NCL: variants seen among roughly 807,000 people sequenced by gnomAD.
NCL encodes nucleolin multifunctional protein.
In NCL, 4 loss-of-function variants were observed where a neutral mutation model predicts 77.7. The observed-to-expected ratio is 0.05, with a 90% CI of 0.03 to 0.12. NCL has a LOEUF of 0.12. Ranked by LOEUF, NCL falls within the 10% of genes least tolerant of loss-of-function variation. NCL has a pLI of 1.00. For missense variants in NCL, 763 were observed against 860.9 expected (o/e 0.89, Z 1.42); for synonymous variants, 344 against 297.8 (o/e 1.16, Z -1.60).
intron 1 of NCL, 93 bp downstream of exon 1, chr2:231,464,243 C>T (rs13423647): frequency 1.3e-6 from 2 of 1,523,182 alleles, no homozygotes; most frequent in Non-Finnish European, 1.8e-6. Flanking sequence ...AGAACGCGCC[C>T]GGGACTGCGC....
In NCL at chr2:231,460,823, C is replaced by T; in HGVS notation, c.657G>A (p.Lys219=). Residue 219 remains lysine, a synonymous_variant, in exon 4 of 14, where the codon AAG becomes AAA. Transcript: ENST00000322723. The stretch of plus-strand genomic sequence containing the variant: ...TCACAGGAACAACTTTTGCAGCTTT[C>T]TTTCCTTTGGCTGGTGTAGTCTCCA... ...EAMETTPAKG[K]KAAKVVPVKA... 1 of 1,614,140 alleles carries T rather than the reference C, an allele frequency of 6.2e-7. No individual in the cohort carries two copies. Among genetic ancestry groups the T allele is most frequent in the Non-Finnish European group, 8.5e-7 (1 of 1,180,024 alleles).
rs1312654194 is a variant in NCL at position 231,454,000 on chromosome 2, G to A, written c.*1191C>T. ...GCCTTGTCTTTTACTAAAAAGGGAGGTTGAGAGGCAAGTACTTAAGACCAG... is the reference window on the plus strand; with the variant it reads ...GCCTTGTCTTTTACTAAAAAGGGAGATTGAGAGGCAAGTACTTAAGACCAG... On this transcript the variant is annotated 3_prime_UTR_variant, in exon 14 of 14. Coordinates refer to ENST00000322723, the MANE Select transcript of NCL (RefSeq NM_005381.3). 1 of 152,188 alleles carries A rather than the reference G, an allele frequency of 6.6e-6. No homozygotes were observed. The highest frequency in any genetic ancestry group is 1.5e-5 in the Non-Finnish European group (1 of 68,048). 9.4% of individuals were successfully genotyped at this position (152,188 alleles called of 1,614,324 possible). A position where few individuals can be genotyped will look rare whatever the true frequency, so the allele number is the denominator to read the frequency against.
Position 231,453,905 on chromosome 2 carries a change from C to T in NCL, c.*1286G>A, listed in dbSNP as rs922589730. 6.6e-6 allele frequency: 1 copy of T among 152,220 alleles called. No homozygotes were observed. The highest frequency in any genetic ancestry group is 2.4e-5 in the African/African-American group (1 of 41,444). 9.4% of individuals were successfully genotyped at this position (152,220 alleles called of 1,614,324 possible). A position where few individuals can be genotyped will look rare whatever the true frequency, so the allele number is the denominator to read the frequency against. Reference sequence around the variant, plus strand: ...TAGAACAGGTTTTTGGACTTGGCTACCTACATTGATTTTGGGCACTGGGTT... The same window carrying T: ...TAGAACAGGTTTTTGGACTTGGCTATCTACATTGATTTTGGGCACTGGGTT... On this transcript the variant is annotated 3_prime_UTR_variant, in exon 14 of 14. Coordinates refer to ENST00000322723, the MANE Select transcript of NCL (RefSeq NM_005381.3).
intron 12 of NCL, 113 bp downstream of exon 12, chr2:231,455,897 A>AACTGCC (rs750681418): frequency 3.3e-6 from 5 of 1,527,850 alleles, no homozygotes; most frequent in Non-Finnish European, 4.5e-6. Context: ...CGAATCCATA[A>AACTGCC]ACTGCCACTG....
At position 231,454,855 on chromosome 2, in the gene NCL, AAAAAAC is replaced by A. The variant is rs1302207277; in HGVS notation, c.*330_*335del. On this transcript the variant is annotated 3_prime_UTR_variant, in exon 14 of 14. Coordinates refer to ENST00000322723, the MANE Select transcript of NCL (RefSeq NM_005381.3). ...TACAACCCCACGAACGCAAAAAAAA[AAAAAAC>A]AAAAACAAAACAAAAAAAAGAAACA... 3.1e-5 allele frequency: 6 copies of A among 194,228 alleles called. No individual in the cohort carries two copies. The highest frequency in any genetic ancestry group is 1.4e-4 in the South Asian group (1 of 6,968). The allele number at this position is 194,228 out of a possible 1,614,324, so 12.0% of individuals were successfully genotyped here. A position where few individuals can be genotyped will look rare whatever the true frequency, so the allele number is the denominator to read the frequency against.
chr2:231,458,748 C>G (rs949589825), intron 7 of NCL: 4 of 433,758 alleles, frequency 9.2e-6, no homozygotes, highest in Non-Finnish European at 1.6e-5. Flanking sequence ...AATTTAGGTG[C>G]ATCTAATAAT....
In NCL at chr2:231,459,258, CAA is replaced by C. The variant is rs981854811; in HGVS notation, c.1041-135_1041-134del. 3.9e-5 allele frequency: 39 copies of C among 1,004,074 alleles called. No homozygotes were observed. The African/African-American group carries it at 6.1e-4, about 16-fold the overall frequency. 62.2% of individuals were successfully genotyped at this position (1,004,074 alleles called of 1,614,324 possible). On this transcript the variant is annotated intron_variant, in intron 6 of 13. Transcript: ENST00000322723. ...AAAAGCACCCCTAGTATTAGCAAAA[CAA>C]AGTCAAGGCTCTGCAAACTGCAGCT...
At chr2:231,462,768 C>G (rs917976065) in intron 2 of NCL, among the ~76,000 whole-genome samples, 1 of 152,128 alleles carries the variant, frequency 6.6e-6, no homozygotes, top group Non-Finnish European at 1.5e-5. Context: ...CCAGAGATAA[C>G]TATAAAACAC....
At chr2:231,458,213 G>A (rs1575260030) in intron 8 of NCL, 53 bp downstream of exon 8, 3 of 1,582,108 alleles carry the variant, frequency 1.9e-6, no homozygotes, top group East Asian at 2.2e-5. Context: ...TTATAAAGCA[G>A]GAAAGTGCAT....
rs1460318175 is a variant in NCL, at chr2:231,463,204, TCTC to T, written c.128_130del (p.Gly43del). The stretch of plus-strand genomic sequence containing the variant: ...CATTAAGTTGGATAAAATTACCTCT[TCTC>T]CACTGCTATCATCTTCTTCATCTTC... On this transcript the variant is annotated inframe_deletion, in exon 2 of 14. Transcript: ENST00000322723. 4 of 1,596,366 alleles carry T rather than the reference TCTC, an allele frequency of 2.5e-6. No individual in the cohort carries two copies. In the South Asian group the frequency reaches 3.4e-5, roughly 14 times the overall value.
intron 2 of NCL, 25 bp from the exon 3 acceptor site, chr2:231,462,042 C>G: frequency 6.2e-7 from 1 of 1,611,236 alleles, no homozygotes; most frequent in Non-Finnish European, 8.5e-7. Flanking sequence ...AAAACCAAAC[C>G]AGTAAGTCCA....
intron 7 of NCL, 120 bp downstream of exon 7, chr2:231,458,881 A>G (rs185413859): frequency 8.7e-7 from 1 of 1,150,854 alleles, no homozygotes; most frequent in Non-Finnish European, 1.2e-6. Flanking sequence ...TTAAGAGGAA[A>G]CCAAAGGAAA....
chr2:231,455,716 A>C (rs2046880377), intron 12 of NCL, 92 bp from the exon 13 acceptor site: 4 of 1,425,428 alleles, frequency 2.8e-6, no homozygotes, highest in East Asian at 2.3e-5. Flanking sequence ...TCCCACAGAA[A>C]GTAGCCTTGT....
rs759095039 is a variant in NCL, at chr2:231,461,652, TTCATCC to T, written c.495_500del (p.Asp168_Glu169del). On this transcript the variant is annotated inframe_deletion, in exon 3 of 14. Coordinates refer to ENST00000322723, the MANE Select transcript of NCL (RefSeq NM_005381.3). ...TCATCGCTGCTGGTTCAATTTCATC[TTCATCC>T]TCATCCTCGTCCTCGTCATCCTCCT... 9.9e-6 allele frequency: 16 copies of T among 1,610,702 alleles called. No individual in the cohort carries two copies. Among genetic ancestry groups the T allele is most frequent in the East Asian group, 4.5e-5 (2 of 44,872 alleles).
At chr2:231,457,279 T>C (rs1343412834) in intron 9 of NCL, 155 bp from the exon 10 acceptor site, 3 of 1,052,674 alleles carry the variant, frequency 2.8e-6, no homozygotes, top group Non-Finnish European at 2.9e-6. Context: ...CTCAACATAT[T>C]AAGTACCTAG....
chr2:231,456,950 C>T (rs772554910), intron 10 of NCL, 51 bp downstream of exon 10: 43 of 1,601,376 alleles, frequency 2.7e-5, no homozygotes, highest in Non-Finnish European at 3.0e-5. Flanking sequence ...TTCCTTTAGA[C>T]CTCTAAGACA....
In NCL at chr2:231,454,896, C is replaced by T. The variant is rs779717472; in HGVS notation, c.*295G>A. ...ACAAAAAAAAGAAACAACAACAAAA[C>T]CCAAACTATTTGTAGGAAAAAATGG... On this transcript the variant is annotated 3_prime_UTR_variant, in exon 14 of 14. Transcript: ENST00000322723. The T allele has an allele frequency of 3.0e-4, 71 of 235,780 alleles. No homozygotes were observed. The highest frequency in any genetic ancestry group is 2.5e-3 in the Middle Eastern group (2 of 786). 14.6% of individuals were successfully genotyped at this position (235,780 alleles called of 1,614,324 possible).
Position 231,460,670 on chromosome 2 carries a change from T to C in NCL, c.810A>G (p.Glu270=). The part of the protein sequence containing the change: ...DDEEEEEEEE[E]EPVKEAPGKR... Reference sequence around the variant, plus strand: ...TATGTCAGAATCTAATTTAAGTACCTTCCTCCTCCTCTTCTTCCTCCTCCT... The same window carrying C: ...TATGTCAGAATCTAATTTAAGTACCCTCCTCCTCCTCTTCTTCCTCCTCCT... The change falls in exon 4 of 14, where the codon GAA becomes GAG. Residue 270 remains glutamate (E), a splice_region_variant and synonymous_variant. Coordinates refer to ENST00000322723, the MANE Select transcript of NCL (RefSeq NM_005381.3). 6.2e-7 allele frequency: 1 copy of C among 1,613,608 alleles called. No homozygotes were observed. Among genetic ancestry groups the C allele is most frequent in the Non-Finnish European group, 8.5e-7 (1 of 1,179,730 alleles).
intron 12 of NCL, 99 bp from the exon 13 acceptor site, chr2:231,455,723 T>C (rs1442558388): frequency 7.2e-7 from 1 of 1,398,494 alleles, no homozygotes; most frequent in African/African-American, 1.4e-5. Context: ...GAAAGTAGCC[T>C]TGTTTATTTG....
Sources: allele counts gnomAD v4.1 joint callset (sites outside exome capture counted in the v4.1 genomes callset), GRCh38; gene constraint gnomAD v4.1.1; transcripts MANE v1.5; gene names NCBI Gene and HGNC (gene_info 2026-07-23, HGNC 2026-07-21).